Variants in MAD1L1 observed in about 807,000 individuals in gnomAD.
The protein encoded by MAD1L1 is mitotic spindle assembly checkpoint protein MAD1.
Under a neutral mutation model 96.9 loss-of-function variants are expected in MAD1L1, and 95 were observed. The observed-to-expected ratio is 0.98, with a 90% CI of 0.83 to 1.16. MAD1L1 has a LOEUF of 1.16. Among genes scored for constraint, MAD1L1 ranks in the 50% most tolerant of loss-of-function variants. The pLI is 0.00. For synonymous variants in MAD1L1, 473 were observed against 396.6 expected, an observed-to-expected ratio of 1.19 and a Z score of -2.29; for missense variants, 1,007 against 954.4, an observed-to-expected ratio of 1.06 and a Z score of -0.73.
At chr7:2,230,235 C>CCT in intron 2 of MAD1L1, 92 bp from the exon 3 acceptor site, 2 of 963,204 alleles carry the variant, frequency 2.1e-6, no homozygotes, top group Non-Finnish European at 1.6e-6. Flanking sequence ...GCCCCACTCC[C>CCT]CTAACGCACA....
intron 18 of MAD1L1, among the ~76,000 whole-genome samples, chr7:1,830,732 A>C (rs555946044): frequency 6.6e-6 from 1 of 152,228 alleles, no homozygotes; most frequent in Non-Finnish European, 1.5e-5. Context: ...CGTGCCCTAA[A>C]TCCTAACACA....
chr7:1,889,327 C>T (rs1026687264), intron 18 of MAD1L1, among the ~76,000 whole-genome samples: 4 of 152,244 alleles, frequency 2.6e-5, no homozygotes, highest in Admixed American at 1.3e-4. Context: ...GCCTCAGATG[C>T]TGAGGAGGCT....
chr7:2,131,816 G>A (rs59879375), intron 11 of MAD1L1, among the ~76,000 whole-genome samples: 2,091 of 152,306 alleles, frequency 0.014, 38 homozygotes, highest in African/African-American at 0.047. Flanking sequence ...GACAGCCATC[G>A]CACCTGGGGT....
intron 16 of MAD1L1, among the ~76,000 whole-genome samples, chr7:1,953,026 G>A (rs866203713): frequency 7.9e-5 from 12 of 152,140 alleles, no homozygotes; most frequent in African/African-American, 2.2e-4. Context: ...GAGGGAACGC[G>A]GCCCTCTCCC....
Position 1,950,393 on chromosome 7 carries a change from C to T in MAD1L1, c.1596+7236G>A, listed in dbSNP as rs140046670. Among the ~76,000 whole-genome samples, 79 of 152,336 alleles carry T rather than the reference C, an allele frequency of 5.2e-4. No individual in the cohort carries two copies. The East Asian group carries it at 0.015, about 28-fold the overall frequency. On this transcript the variant is annotated intron_variant, in intron 16 of 18. Transcript: ENST00000265854. ...AGGCCCGCAAGCCCTCATGAAAGCTCCCCTGACCTCAGGCCTCATCAGCAG... is the reference window on the plus strand; with the variant it reads ...AGGCCCGCAAGCCCTCATGAAAGCTTCCCTGACCTCAGGCCTCATCAGCAG...
At chr7:2,144,238 A>C (rs1036316407) in intron 11 of MAD1L1, among the ~76,000 whole-genome samples, 57 of 152,200 alleles carry the variant, frequency 3.7e-4, no homozygotes, top group African/African-American at 1.4e-3. Flanking sequence ...TGTGAGGCTC[A>C]AGTGAGAGGC....
chr7:2,127,338 G>A (rs555746484), intron 11 of MAD1L1, among the ~76,000 whole-genome samples: 50 of 152,330 alleles, frequency 3.3e-4, no homozygotes, highest in Admixed American at 1.2e-3. Context: ...ACAGGAGGCT[G>A]TAGAGTGGGG....
chr7:2,077,773 C>T (rs1011091902), intron 11 of MAD1L1, among the ~76,000 whole-genome samples: 20 of 152,206 alleles, frequency 1.3e-4, no homozygotes, highest in African/African-American at 4.8e-4. Context: ...CCCTGCTCTG[C>T]TCCGGAAGCA....
chr7:1,917,275 C>A (rs1052003705), intron 17 of MAD1L1, among the ~76,000 whole-genome samples: 2 of 152,164 alleles, frequency 1.3e-5, no homozygotes. Context: ...GCTCGGCTGC[C>A]CACCTAGCAT....
At chr7:1,880,923 G>A (rs1785646784) in intron 18 of MAD1L1, among the ~76,000 whole-genome samples, 1 of 152,238 alleles carries the variant, frequency 6.6e-6, no homozygotes, top group African/African-American at 2.4e-5. Flanking sequence ...GTGGAGCCTG[G>A]AGCCTGGAGG....
chr7:2,223,852 T>C (rs2115014081), intron 4 of MAD1L1, among the ~76,000 whole-genome samples: 1 of 151,816 alleles, frequency 6.6e-6, no homozygotes, highest in South Asian at 2.1e-4. Flanking sequence ...TCGCCCCTAA[T>C]AGGTATTTCC....
At chr7:2,149,968 T>G (rs1789489210) in intron 10 of MAD1L1, among the ~76,000 whole-genome samples, 1 of 152,320 alleles carries the variant, frequency 6.6e-6, no homozygotes, top group South Asian at 2.1e-4. Context: ...GCTCCCTGGC[T>G]AGACTGACCC....
At chr7:2,155,496 C>CA (rs1416977233) in intron 10 of MAD1L1, among the ~76,000 whole-genome samples, 1 of 152,154 alleles carries the variant, frequency 6.6e-6, no homozygotes, top group Non-Finnish European at 1.5e-5. Flanking sequence ...CAGCCCCAGC[C>CA]ACCTCCATAC....
chr7:1,919,690 T>A (rs1051005931), intron 17 of MAD1L1, among the ~76,000 whole-genome samples: 1 of 152,170 alleles, frequency 6.6e-6, no homozygotes, highest in African/African-American at 2.4e-5. Context: ...ACAATGACCG[T>A]GATTGGAGTG....
intron 10 of MAD1L1, among the ~76,000 whole-genome samples, chr7:2,163,954 C>A (rs767299999): frequency 6.6e-6 from 1 of 152,012 alleles, no homozygotes; most frequent in Non-Finnish European, 1.5e-5. Flanking sequence ...AGAGTTAACA[C>A]CTTAGTGTCT....
intron 10 of MAD1L1, among the ~76,000 whole-genome samples, chr7:2,163,327 A>C (rs1790257679): frequency 6.6e-6 from 1 of 151,970 alleles, no homozygotes. Context: ...TTTTCAAAGA[A>C]ACTTTCCTTT....
intron 16 of MAD1L1, among the ~76,000 whole-genome samples, chr7:1,944,791 G>A (rs908795995): frequency 6.6e-6 from 1 of 152,190 alleles, no homozygotes; most frequent in Non-Finnish European, 1.5e-5. Flanking sequence ...CAGTCTGCAG[G>A]ACCAGGTGAC....
At chr7:1,871,869 G>A (rs1286817009) in intron 18 of MAD1L1, among the ~76,000 whole-genome samples, 2 of 152,228 alleles carry the variant, frequency 1.3e-5, no homozygotes, top group African/African-American at 2.4e-5. Flanking sequence ...GGGACATGGA[G>A]GGGACAGGGT....
In MAD1L1 at chr7:1,906,608, G is replaced by A. The variant is rs940920574; in HGVS notation, c.1808-8218C>T. Among the ~76,000 whole-genome samples the A allele has an allele frequency of 4.6e-5, 7 of 152,228 alleles. 1 individual carries two copies. The highest frequency in any genetic ancestry group is 1.4e-4 in the African/African-American group (6 of 41,444). Reference sequence around the variant, plus strand: ...GCTGTTTGAGATGCCTGGGCCTCACGCTCTTTCCCTGCAGTGCAACTGGGC... The same window carrying A: ...GCTGTTTGAGATGCCTGGGCCTCACACTCTTTCCCTGCAGTGCAACTGGGC... On this transcript the variant is annotated intron_variant, in intron 17 of 18. Transcript: ENST00000265854.
Sources: allele counts gnomAD v4.1 joint callset (sites outside exome capture counted in the v4.1 genomes callset), GRCh38; gene constraint gnomAD v4.1.1; transcripts MANE v1.5; gene names NCBI Gene and HGNC (gene_info 2026-07-23, HGNC 2026-07-21).